The following ANO3 variants were observed in gnomAD, a reference collection of about 807,000 sequenced individuals.
ANO3 encodes the protein anoctamin 3.
ANO3 carries 99 observed loss-of-function variants against 144.8 expected under a neutral mutation model. The ratio of observed to expected loss-of-function variants is 0.68; its 90% CI spans 0.58 to 0.81. The LOEUF (loss-of-function observed/expected upper bound fraction) is 0.81. Ranked by LOEUF, ANO3 falls within the 30% of genes least tolerant of loss-of-function variation. ANO3 has a pLI of 0.00. For synonymous variants in ANO3, 414 were observed against 392.6 expected (o/e 1.05, Z -0.64); for missense variants, 905 against 1,202.2 (o/e 0.75, Z 3.66).
At chr11:26,633,033 C>T (rs966996685) in intron 18 of ANO3, among the ~76,000 whole-genome samples, 1 of 152,154 alleles carries the variant, frequency 6.6e-6, no homozygotes, top group Non-Finnish European at 1.5e-5. Context: ...TGGCAACTAC[C>T]GCCTTTGGAC....
At chr11:26,210,731 T>C (rs1590195166) in intron 1 of ANO3, among the ~76,000 whole-genome samples, 2 of 152,248 alleles carry the variant, frequency 1.3e-5, no homozygotes, top group East Asian at 3.9e-4. Context: ...AGGTATTTTA[T>C]TCTCTTGTAG....
Position 26,602,413 on chromosome 11 carries a change from C to T in ANO3, c.1836+2699C>T, listed in dbSNP as rs543403082. On this transcript the variant is annotated intron_variant, in intron 17 of 26. Coordinates refer to ENST00000256737, the MANE Select transcript of ANO3 (RefSeq NM_031418.4). ...AAATCATCTTATCAGATACATTTAT[C>T]GATATAAAGGAGATTAAAATATTAG... Among the ~76,000 whole-genome samples the T allele has an allele frequency of 2.6e-4, 40 of 151,784 alleles. No homozygotes were observed. In the South Asian group the frequency reaches 7.1e-3, roughly 27 times the overall value.
At chr11:26,431,708 G>C (rs1219939105) in intron 1 of ANO3, among the ~76,000 whole-genome samples, 1 of 152,158 alleles carries the variant, frequency 6.6e-6, no homozygotes, top group Admixed American at 6.5e-5. Context: ...CTCCATCCAT[G>C]TTCCTGCAAA....
rs748671370 is a variant in ANO3 at position 26,441,997 on chromosome 11, G to A, written c.126G>A (p.Gln42=). 6.8e-6 allele frequency: 11 copies of A among 1,614,112 alleles called. No individual in the cohort carries two copies. The highest frequency in any genetic ancestry group is 9.3e-6 in the Non-Finnish European group (11 of 1,180,002). ...GGAGATCCCTGCCTTGCCTCGCCCA[G>A]AGCTACGCTTACTCAAAGAGCTTGA... is the stretch of plus-strand genomic sequence containing the variant. ...PSRRSLPCLA[Q]SYAYSKSLSQ... is the part of the protein sequence containing the mutation. The change falls in exon 2 of 27, where the codon CAG becomes CAA. Residue 42 remains glutamine, a synonymous_variant. Transcript: ENST00000256737.
At chr11:26,218,540 A>G (rs758734688) in intron 1 of ANO3, among the ~76,000 whole-genome samples, 2 of 151,970 alleles carry the variant, frequency 1.3e-5, no homozygotes, top group Admixed American at 6.6e-5. Flanking sequence ...CTGGCCCTTT[A>G]TGTCCCAAGC....
chr11:26,657,730 T>A (rs1322231369), intron 26 of ANO3, among the ~76,000 whole-genome samples: 1 of 152,164 alleles, frequency 6.6e-6, no homozygotes, highest in East Asian at 1.9e-4. Flanking sequence ...ATTACTTCAA[T>A]GGTATTGTTT....
chr11:26,363,646 G>A (rs1027175689), intron 1 of ANO3, among the ~76,000 whole-genome samples: 2 of 152,086 alleles, frequency 1.3e-5, no homozygotes, highest in Non-Finnish European at 2.9e-5. Flanking sequence ...AAAGTTCGGG[G>A]AGGACACAAC....
intron 3 of ANO3, among the ~76,000 whole-genome samples, chr11:26,447,590 G>A (rs1858749962): frequency 6.6e-6 from 1 of 152,144 alleles, no homozygotes; most frequent in African/African-American, 2.4e-5. Flanking sequence ...AAAGTACAAG[G>A]TGAAGATAAA....
intron 14 of ANO3, among the ~76,000 whole-genome samples, chr11:26,570,010 C>T (rs925314497): frequency 6.6e-6 from 1 of 152,024 alleles, no homozygotes; most frequent in African/African-American, 2.4e-5. Flanking sequence ...TTAGGATCAT[C>T]ACAAACTCGA....
At chr11:26,208,842 A>G (rs1317475651) in intron 1 of ANO3, among the ~76,000 whole-genome samples, 1 of 152,180 alleles carries the variant, frequency 6.6e-6, no homozygotes, top group Non-Finnish European at 1.5e-5. Flanking sequence ...TTGAGTTTTG[A>G]AGACATAAAT....
At chr11:26,253,958 T>C (rs1590217814) in intron 1 of ANO3, among the ~76,000 whole-genome samples, 1 of 152,146 alleles carries the variant, frequency 6.6e-6, no homozygotes, top group Admixed American at 6.6e-5. Context: ...AGGATTTTAG[T>C]TTAGGAAAAA....
intron 1 of ANO3, among the ~76,000 whole-genome samples, chr11:26,417,999 C>T (rs571843350): frequency 1.3e-5 from 2 of 152,174 alleles, no homozygotes; most frequent in South Asian, 4.1e-4. Flanking sequence ...ATAGTATGTT[C>T]TGTTTTCTTC....
chr11:26,497,060 C>CTA (rs1386748120), intron 4 of ANO3, among the ~76,000 whole-genome samples: 44 of 148,020 alleles, frequency 3.0e-4, no homozygotes, highest in Non-Finnish European at 5.1e-4. Flanking sequence ...CATTTTCTCT[C>CTA]TCTATATATA....
At chr11:26,523,500 C>G (rs118080482) in intron 6 of ANO3, among the ~76,000 whole-genome samples, 1 of 152,078 alleles carries the variant, frequency 6.6e-6, no homozygotes, top group African/African-American at 2.4e-5. Context: ...AAAGACGGCT[C>G]CTAAATCCTG....
intron 10 of ANO3, among the ~76,000 whole-genome samples, chr11:26,538,422 A>G (rs907319454): frequency 1.3e-5 from 2 of 152,158 alleles, no homozygotes; most frequent in Non-Finnish European, 2.9e-5. Context: ...GGCCTTGTGC[A>G]TGTATTTTCC....
intron 24 of ANO3, among the ~76,000 whole-genome samples, chr11:26,655,549 T>G (rs1172521347): frequency 1.3e-5 from 2 of 152,182 alleles, no homozygotes; most frequent in African/African-American, 2.4e-5. Flanking sequence ...TACTGCATTT[T>G]AACATTCTAT....
At chr11:26,227,121 G>T (rs1467786062) in intron 1 of ANO3, among the ~76,000 whole-genome samples, 1 of 152,096 alleles carries the variant, frequency 6.6e-6, no homozygotes, top group Non-Finnish European at 1.5e-5. Flanking sequence ...TGTTACATGT[G>T]TCAAAATTTT....
At chr11:26,281,174 A>G (rs1409439389) in intron 1 of ANO3, among the ~76,000 whole-genome samples, 1 of 152,206 alleles carries the variant, frequency 6.6e-6, no homozygotes. Flanking sequence ...AGATATAGAA[A>G]GGCTAAGTAA....
intron 1 of ANO3, among the ~76,000 whole-genome samples, chr11:26,333,797 G>A (rs1855124655): frequency 6.6e-6 from 1 of 152,154 alleles, no homozygotes; most frequent in South Asian, 2.1e-4. Context: ...ATTTCACCTA[G>A]TATGCACTTC....
Sources: allele counts gnomAD v4.1 joint callset (sites outside exome capture counted in the v4.1 genomes callset), GRCh38; gene constraint gnomAD v4.1.1; transcripts MANE v1.5; gene names NCBI Gene and HGNC (gene_info 2026-07-23, HGNC 2026-07-21).